Variants in OPCML observed in about 807,000 individuals in gnomAD.
OPCML encodes the protein opioid binding protein/cell adhesion molecule like, also known as opioid-binding protein/cell adhesion molecule.
OPCML carries 13 observed loss-of-function variants against 37.8 expected under a neutral mutation model. That is an observed-to-expected ratio of 0.34 (90% CI 0.22 to 0.55). OPCML has a LOEUF of 0.55. Among genes scored for constraint, OPCML ranks in the 20% least tolerant of loss-of-function variants. The pLI is 0.91. For synonymous variants in OPCML, 176 were observed against 168.8 expected, an observed-to-expected ratio of 1.04 and a Z score of -0.33; for missense variants, 341 against 435.6, an observed-to-expected ratio of 0.78 and a Z score of 1.93.
intron 2 of OPCML, among the ~76,000 whole-genome samples, chr11:132,690,127 G>T (rs1054529074): frequency 6.6e-6 from 1 of 151,834 alleles, no homozygotes; most frequent in Non-Finnish European, 1.5e-5. Flanking sequence ...TTCTTTTTTG[G>T]CAGCGTCTTA....
intron 1 of OPCML, among the ~76,000 whole-genome samples, chr11:133,262,989 G>C (rs1941540204): frequency 6.6e-6 from 1 of 151,758 alleles, no homozygotes; most frequent in Non-Finnish European, 1.5e-5. Context: ...TAAAAGATGA[G>C]ATGCCCCACT....
chr11:132,899,295 C>T (rs1490937948), intron 2 of OPCML, among the ~76,000 whole-genome samples: 2 of 152,086 alleles, frequency 1.3e-5, no homozygotes, highest in African/African-American at 2.4e-5. Context: ...TTTTGGTGTA[C>T]ATATTATATA....
intron 2 of OPCML, among the ~76,000 whole-genome samples, chr11:132,794,669 C>A (rs966537163): frequency 6.6e-6 from 1 of 152,114 alleles, no homozygotes; most frequent in Admixed American, 6.5e-5. Context: ...CTTCCCAGAA[C>A]CCCTGCAAAT....
At chr11:132,430,456 T>C (rs1469055464) in intron 7 of OPCML, among the ~76,000 whole-genome samples, 2 of 152,196 alleles carry the variant, frequency 1.3e-5, no homozygotes, top group African/African-American at 2.4e-5. Flanking sequence ...GATATGTATA[T>C]TTATTCTAGA....
At chr11:132,798,520 T>C (rs905522642) in intron 2 of OPCML, among the ~76,000 whole-genome samples, 1 of 152,278 alleles carries the variant, frequency 6.6e-6, no homozygotes. Flanking sequence ...GACTGTATTA[T>C]GAAATTGCAG....
chr11:133,191,777 A>G (rs1938332097), intron 1 of OPCML, among the ~76,000 whole-genome samples: 1 of 152,168 alleles, frequency 6.6e-6, no homozygotes, highest in Non-Finnish European at 1.5e-5. Flanking sequence ...TACAGGTGTG[A>G]GCCCCCATGC....
At chr11:133,199,486 G>A (rs1938677124) in intron 1 of OPCML, among the ~76,000 whole-genome samples, 1 of 152,166 alleles carries the variant, frequency 6.6e-6, no homozygotes, top group South Asian at 2.1e-4. Context: ...GTGACAGAGA[G>A]GCAGGGGAAC....
At chr11:132,488,223 C>A (rs1483953100) in intron 4 of OPCML, among the ~76,000 whole-genome samples, 4 of 152,194 alleles carry the variant, frequency 2.6e-5, no homozygotes, top group Non-Finnish European at 4.4e-5. Flanking sequence ...TGATCACCTC[C>A]TGCCCTATAG....
chr11:132,438,402 G>A (rs528588803), intron 4 of OPCML, among the ~76,000 whole-genome samples: 4 of 152,226 alleles, frequency 2.6e-5, no homozygotes, highest in East Asian at 1.9e-4. Flanking sequence ...GTGAGCTTTC[G>A]CCACAACCTT....
intron 2 of OPCML, among the ~76,000 whole-genome samples, chr11:132,734,119 T>C (rs548698722): frequency 8.5e-5 from 13 of 152,302 alleles, no homozygotes; most frequent in Non-Finnish European, 2.9e-5. Flanking sequence ...TCATAATTCT[T>C]GATATATGGT....
intron 1 of OPCML, among the ~76,000 whole-genome samples, chr11:133,503,678 A>C (rs1475362129): frequency 1.3e-5 from 2 of 152,198 alleles, no homozygotes; most frequent in Non-Finnish European, 2.9e-5. Context: ...GGGACATGGG[A>C]TCTATCCGGG....
chr11:132,723,524 G>T (rs1381100024), intron 2 of OPCML, among the ~76,000 whole-genome samples: 1 of 151,906 alleles, frequency 6.6e-6, no homozygotes, highest in Non-Finnish European at 1.5e-5. Context: ...AGTGAAGAGT[G>T]TCATATGGTA....
chr11:133,015,087 A>T lies in OPCML; in HGVS notation c.62-72077T>A, dbSNP rs1212940978. On this transcript the variant is annotated intron_variant, in intron 1 of 7. Transcript: ENST00000524381. ...TACAAACAGCATAATGTTCTCTTCT[A>T]AATTAAAGAAAAGAAACCTAAACAA... Among the ~76,000 whole-genome samples, 16 of 152,202 alleles carry T rather than the reference A, an allele frequency of 1.1e-4. 1 individual carries two copies. The highest frequency in any genetic ancestry group is 1.0e-3 in the Admixed American group (16 of 15,286).
intron 1 of OPCML, among the ~76,000 whole-genome samples, chr11:133,506,942 C>G (rs1452304283): frequency 6.6e-6 from 1 of 152,348 alleles, no homozygotes; most frequent in South Asian, 2.1e-4. Flanking sequence ...ACAGTGCCCC[C>G]ACTCATCCAC....
chr11:132,546,631 G>T lies in OPCML; in HGVS notation c.380-17445C>A, dbSNP rs189464891. Among the ~76,000 whole-genome samples the T allele has an allele frequency of 3.0e-3, 456 of 152,278 alleles. 1 individual carries two copies. Among genetic ancestry groups the T allele is most frequent in the African/African-American group, 0.01 (436 of 41,556 alleles). Reference sequence around the variant, plus strand: ...CCTCTGGAGAGAGAGAGCCAGGTCTGTTTCCTGGCTCTACCATTTATTTCC... The same window carrying T: ...CCTCTGGAGAGAGAGAGCCAGGTCTTTTTCCTGGCTCTACCATTTATTTCC... On this transcript the variant is annotated intron_variant, in intron 3 of 7. Coordinates refer to ENST00000524381, the MANE Select transcript of OPCML (RefSeq NM_001012393.5).
At chr11:133,505,470 C>G (rs56174341) in intron 1 of OPCML, among the ~76,000 whole-genome samples, 10,507 of 152,256 alleles carry the variant, frequency 0.069, 545 homozygotes, top group African/African-American at 0.15. Flanking sequence ...CCACCAAATG[C>G]ACCTGTCTTC....
intron 1 of OPCML, among the ~76,000 whole-genome samples, chr11:133,370,985 A>G (rs572480895): frequency 1.4e-4 from 21 of 152,312 alleles, no homozygotes; most frequent in African/African-American, 4.3e-4. Context: ...AAAACAAACA[A>G]AATCCTGTTA....
Position 133,005,963 on chromosome 11 carries a change from A to C in OPCML, c.62-62953T>G, listed in dbSNP as rs1947102199. 6 of 985,288 alleles carry C rather than the reference A, an allele frequency of 6.1e-6. No individual in the cohort carries two copies. In the Admixed American group the frequency reaches 3.7e-4, roughly 61 times the overall value. The allele number at this position is 985,288 out of a possible 1,614,324, so 61.0% of individuals were successfully genotyped here. ...CATGGATGTGTGCAGCTTCCAGGAC[A>C]AGTTCTAAAAGGGAAGATGTCTCTT... On this transcript the variant is annotated intron_variant, in intron 1 of 7. Coordinates refer to ENST00000524381, the MANE Select transcript of OPCML (RefSeq NM_001012393.5).
chr11:132,844,947 T>TAA (rs33983059), intron 2 of OPCML, among the ~76,000 whole-genome samples: 35,298 of 141,596 alleles, frequency 0.25, 4,403 homozygotes, highest in Non-Finnish European at 0.29. Context: ...AAAGGAAATG[T>TAA]AAAAAAAAAA....
Sources: gnomAD v4.1 joint callset for allele counts (sites outside exome capture counted in the v4.1 genomes callset) on GRCh38, gnomAD v4.1.1 for gene constraint, MANE v1.5 for transcripts, NCBI Gene and HGNC (gene_info 2026-07-23, HGNC 2026-07-21) for gene names.